Variants in PFDN1 observed in about 807,000 individuals in gnomAD.
PFDN1 encodes the protein prefoldin subunit 1, also known as prefoldin 1.
A neutral mutation model predicts 17.3 loss-of-function variants in PFDN1; 6 were observed. The ratio of observed to expected loss-of-function variants is 0.35; its 90% confidence interval spans 0.19 to 0.69. The LOEUF (loss-of-function observed/expected upper bound fraction) is 0.69, where lower values mean the gene tolerates loss of function less well. Among genes scored for constraint, PFDN1 ranks in the 30% least tolerant of loss-of-function variants. The pLI, the probability that PFDN1 is intolerant of heterozygous loss-of-function variation, is 0.65. For missense variants in PFDN1, 113 were observed against 146.2 expected, an observed-to-expected ratio of 0.77 and a Z score of 1.17; for synonymous variants, 58 against 50.1, an observed-to-expected ratio of 1.16 and a Z score of -0.67.
intron 2 of PFDN1, chr5:140,281,768 T>C (rs1375868586): frequency 5.1e-6 from 2 of 389,676 alleles, no homozygotes; most frequent in Non-Finnish European, 9.4e-6. Flanking sequence ...CAGGGAACAG[T>C]GGTGTGGGCC....
At position 140,275,340 on chromosome 5, in the gene PFDN1, C is replaced by T. The variant is rs535058099; in HGVS notation, c.285+6109G>A. On this transcript the variant is annotated intron_variant, in intron 3 of 3. Transcript: ENST00000261813. Reference sequence around the variant, plus strand: ...AGGAGAATGGTGTGAACCTGGGAGGCGGAGCCTGCAGTGAGCCGAGATTGC... The same window carrying T: ...AGGAGAATGGTGTGAACCTGGGAGGTGGAGCCTGCAGTGAGCCGAGATTGC... 1.2e-4 allele frequency among the ~76,000 whole-genome samples: 18 copies of T among 147,378 alleles called. No homozygotes were observed. In the South Asian group the frequency reaches 3.3e-3, roughly 27 times the overall value.
At chr5:140,268,610 A>C (rs1765164907) in intron 3 of PFDN1, among the ~76,000 whole-genome samples, 1 of 152,174 alleles carries the variant, frequency 6.6e-6, no homozygotes. Flanking sequence ...GCACCACTGC[A>C]CTCCAGCCTG....
At chr5:140,290,432 G>A (rs1458351972) in intron 2 of PFDN1, among the ~76,000 whole-genome samples, 1 of 152,182 alleles carries the variant, frequency 6.6e-6, no homozygotes. Flanking sequence ...AACACAGGGA[G>A]AAGGGCAGGG....
At chr5:140,283,633 G>A (rs955504027) in intron 2 of PFDN1, among the ~76,000 whole-genome samples, 3 of 152,150 alleles carry the variant, frequency 2.0e-5, no homozygotes, top group African/African-American at 7.2e-5. Flanking sequence ...GCAAAACAAG[G>A]ATTAATTCCA....
At chr5:140,274,494 C>G (rs1207477533) in intron 3 of PFDN1, among the ~76,000 whole-genome samples, 1 of 152,162 alleles carries the variant, frequency 6.6e-6, no homozygotes, top group Admixed American at 6.5e-5. Flanking sequence ...CATGGTTACT[C>G]TATCATACTA....
At chr5:140,283,751 A>C (rs57895055) in intron 2 of PFDN1, among the ~76,000 whole-genome samples, 299 of 152,336 alleles carry the variant, frequency 2.0e-3, no homozygotes, top group African/African-American at 7.0e-3. Flanking sequence ...TCTCAGAACT[A>C]ACTCATATTT....
At chr5:140,299,589 C>T (rs1273270288) in intron 2 of PFDN1, among the ~76,000 whole-genome samples, 4 of 146,980 alleles carry the variant, frequency 2.7e-5, no homozygotes, top group Non-Finnish European at 6.0e-5. Flanking sequence ...GAGCGAGACT[C>T]TGTCTCAAAA....
At chr5:140,269,507 G>C (rs1445398213) in intron 3 of PFDN1, among the ~76,000 whole-genome samples, 1 of 151,248 alleles carries the variant, frequency 6.6e-6, no homozygotes, top group Non-Finnish European at 1.5e-5. Context: ...TAGTAGAGAT[G>C]GGGGTCTCTC....
chr5:140,267,929 T>C (rs1422489039), intron 3 of PFDN1, among the ~76,000 whole-genome samples: 1 of 152,248 alleles, frequency 6.6e-6, no homozygotes, highest in Non-Finnish European at 1.5e-5. Flanking sequence ...CACCCCTACA[T>C]GTGTTTTCTT....
chr5:140,267,813 T>C (rs1765155452), intron 3 of PFDN1, among the ~76,000 whole-genome samples: 1 of 152,050 alleles, frequency 6.6e-6, no homozygotes, highest in African/African-American at 2.4e-5. Flanking sequence ...TTTCCGTGTC[T>C]TTATAGCATC....
intron 3 of PFDN1, among the ~76,000 whole-genome samples, chr5:140,267,830 T>C (rs1216103945): frequency 6.6e-6 from 1 of 151,680 alleles, no homozygotes; most frequent in Non-Finnish European, 1.5e-5. Flanking sequence ...CATCACAGAG[T>C]TTGAGCCTTT....
chr5:140,276,584 C>T (rs1460767587), intron 3 of PFDN1, among the ~76,000 whole-genome samples: 1 of 151,716 alleles, frequency 6.6e-6, no homozygotes, highest in Admixed American at 6.6e-5. Flanking sequence ...AGTTCAAGAC[C>T]AGTCTGGCCA....
At chr5:140,301,885 C>CTAAG (rs956493570) in intron 1 of PFDN1, among the ~76,000 whole-genome samples, 2 of 152,104 alleles carry the variant, frequency 1.3e-5, no homozygotes, top group Non-Finnish European at 2.9e-5. Context: ...ATACAGCTTG[C>CTAAG]TAAGGAAGCT....
At chr5:140,271,990 T>G (rs974176701) in intron 3 of PFDN1, among the ~76,000 whole-genome samples, 1 of 144,974 alleles carries the variant, frequency 6.9e-6, no homozygotes, top group African/African-American at 2.6e-5. Flanking sequence ...TATATTTATA[T>G]ACATAAGATA....
chr5:140,295,851 T>TA (rs879507287), intron 2 of PFDN1, among the ~76,000 whole-genome samples: 83 of 143,584 alleles, frequency 5.8e-4, no homozygotes, highest in Non-Finnish European at 4.9e-4. Context: ...ATACATACCC[T>TA]AAAAAAAAAA....
At chr5:140,279,330 T>C (rs56242248) in intron 3 of PFDN1, among the ~76,000 whole-genome samples, 2 of 151,892 alleles carry the variant, frequency 1.3e-5, no homozygotes, top group Non-Finnish European at 2.9e-5. Flanking sequence ...AAATGAAAAA[T>C]TAAAAAAGAA....
chr5:140,246,793 C>G (rs183273498), intron 3 of PFDN1, among the ~76,000 whole-genome samples: 257 of 152,320 alleles, frequency 1.7e-3, no homozygotes, highest in Non-Finnish European at 2.8e-3. Flanking sequence ...GCCCTGTGCT[C>G]ACCCCAGAAG....
intron 2 of PFDN1, among the ~76,000 whole-genome samples, chr5:140,298,517 A>G (rs1389849899): frequency 1.3e-5 from 2 of 151,906 alleles, no homozygotes; most frequent in Non-Finnish European, 2.9e-5. Context: ...GCTCACTGTA[A>G]TGGAATGTGA....
At chr5:140,265,848 G>T (rs1581086282) in intron 3 of PFDN1, 1 of 152,328 alleles carries the variant, frequency 6.6e-6, no homozygotes, top group African/African-American at 2.4e-5. Flanking sequence ...TAGAAAAAGT[G>T]AGTAGAAGCA....
Sources: allele counts gnomAD v4.1 joint callset (sites outside exome capture counted in the v4.1 genomes callset), GRCh38; gene constraint gnomAD v4.1.1; transcripts MANE v1.5; gene names NCBI Gene and HGNC (gene_info 2026-07-23, HGNC 2026-07-21).